The following UVRAG variants were observed in gnomAD, a reference collection of about 807,000 sequenced individuals.
UVRAG encodes the protein UV radiation resistance-associated gene protein.
UVRAG carries 19 observed loss-of-function variants against 78.0 expected under a neutral mutation model. The ratio of observed to expected loss-of-function variants is 0.24; its 90% confidence interval spans 0.17 to 0.36. The LOEUF is 0.36. Among genes scored for constraint, UVRAG ranks in the 10% least tolerant of loss-of-function variants. The pLI is 1.00. For synonymous variants in UVRAG, 323 were observed against 324.6 expected (o/e 1.00, Z 0.05); for missense variants, 740 against 853.8 (o/e 0.87, Z 1.66).
At chr11:75,941,854 C>T (rs1174154452) in intron 6 of UVRAG, among the ~76,000 whole-genome samples, 1 of 152,048 alleles carries the variant, frequency 6.6e-6, no homozygotes, top group South Asian at 2.1e-4. Context: ...CATTGGCTCT[C>T]TTATGATCAT....
intron 3 of UVRAG, among the ~76,000 whole-genome samples, chr11:75,872,978 C>T (rs752583167): frequency 6.6e-6 from 1 of 152,126 alleles, no homozygotes; most frequent in South Asian, 2.1e-4. Flanking sequence ...GAGGAGCTCA[C>T]GTTCTGGAGG....
chr11:75,824,939 C>T (rs1444129109), intron 1 of UVRAG, among the ~76,000 whole-genome samples: 1 of 152,156 alleles, frequency 6.6e-6, no homozygotes, highest in African/African-American at 2.4e-5. Flanking sequence ...TCCCAATGTG[C>T]TGGGATTACA....
intron 6 of UVRAG, among the ~76,000 whole-genome samples, chr11:75,937,567 T>C (rs1948397288): frequency 6.6e-6 from 1 of 152,194 alleles, no homozygotes; most frequent in African/African-American, 2.4e-5. Context: ...TCTTTAAAGA[T>C]GTTGCTCCAC....
intron 12 of UVRAG, among the ~76,000 whole-genome samples, chr11:76,042,538 G>C (rs1227836693): frequency 6.6e-6 from 1 of 152,100 alleles, no homozygotes; most frequent in Non-Finnish European, 1.5e-5. Context: ...GTGCCAGGGA[G>C]TGAACTACAA....
At chr11:76,021,229 T>C (rs1950241182) in intron 12 of UVRAG, among the ~76,000 whole-genome samples, 1 of 152,182 alleles carries the variant, frequency 6.6e-6, no homozygotes, top group Admixed American at 6.5e-5. Context: ...CTTTTTTGTG[T>C]GTGTAGATGG....
intron 5 of UVRAG, among the ~76,000 whole-genome samples, chr11:75,909,119 A>G (rs1296491744): frequency 6.6e-6 from 1 of 151,890 alleles, no homozygotes; most frequent in Non-Finnish European, 1.5e-5. Context: ...AGGCCAAGGT[A>G]GGAGGATAGC....
At chr11:75,838,164 ATTC>A (rs1172995087) in intron 1 of UVRAG, among the ~76,000 whole-genome samples, 5 of 152,196 alleles carry the variant, frequency 3.3e-5, no homozygotes, top group African/African-American at 9.7e-5. Flanking sequence ...CATGTTATGT[ATTC>A]TTTATGGTCA....
At chr11:75,857,061 T>C (rs917377454) in intron 2 of UVRAG, among the ~76,000 whole-genome samples, 1 of 152,234 alleles carries the variant, frequency 6.6e-6, no homozygotes, top group Non-Finnish European at 1.5e-5. Context: ...ACCTAATCAC[T>C]TCTTGCTATC....
chr11:75,853,160 C>T (rs1315458250), intron 2 of UVRAG, among the ~76,000 whole-genome samples: 3 of 152,124 alleles, frequency 2.0e-5, no homozygotes. Context: ...CTATGCTCCT[C>T]CCCCAGCCTC....
rs1186467694 is a variant in UVRAG, at chr11:76,129,952, TTCTC to T, written c.1398-10749_1398-10746del. On this transcript the variant is annotated intron_variant, in intron 14 of 14. Coordinates refer to ENST00000356136, the MANE Select transcript of UVRAG (RefSeq NM_003369.4). Reference sequence around the variant, plus strand: ...TCTCTCGCTCTCTCTCTCTCTCGCTTTCTCTCTCTCTCTTCTTTGCCTGAAAGTT... The same window carrying T: ...TCTCTCGCTCTCTCTCTCTCTCGCTTTCTCTCTCTTCTTTGCCTGAAAGTT... Among the ~76,000 whole-genome samples the T allele has an allele frequency of 6.6e-5, 10 of 151,148 alleles. No individual in the cohort carries two copies. In the South Asian group the frequency reaches 1.7e-3, roughly 26 times the overall value.
chr11:76,133,437 A>G (rs1374358756), intron 14 of UVRAG, among the ~76,000 whole-genome samples: 1 of 152,154 alleles, frequency 6.6e-6, no homozygotes, highest in African/African-American at 2.4e-5. Context: ...TTTTCTGTAA[A>G]AGGAGGCTAC....
intron 13 of UVRAG, among the ~76,000 whole-genome samples, chr11:76,069,606 T>C (rs1036296776): frequency 6.6e-6 from 1 of 152,218 alleles, no homozygotes; most frequent in Non-Finnish European, 1.5e-5. Flanking sequence ...ACAAAAATTA[T>C]AATACTTTTA....
chr11:75,838,487 A>G (rs1387861127), intron 1 of UVRAG, among the ~76,000 whole-genome samples: 1 of 151,718 alleles, frequency 6.6e-6, no homozygotes, highest in Non-Finnish European at 1.5e-5. Context: ...ACAGGCATGC[A>G]CCACCACACC....
At chr11:75,818,874 T>G (rs1945323900) in intron 1 of UVRAG, among the ~76,000 whole-genome samples, 1 of 152,196 alleles carries the variant, frequency 6.6e-6, no homozygotes, top group African/African-American at 2.4e-5. Context: ...CCCAACCTTC[T>G]TCTAAGATGG....
chr11:76,058,084 A>AG (rs943338675), intron 12 of UVRAG, among the ~76,000 whole-genome samples: 6 of 152,158 alleles, frequency 3.9e-5, no homozygotes, highest in African/African-American at 1.4e-4. Flanking sequence ...CCAGTTATAC[A>AG]GACTGGTATT....
At chr11:76,065,916 A>G in intron 13 of UVRAG, 128 bp downstream of exon 13, 2 of 714,102 alleles carry the variant, frequency 2.8e-6, no homozygotes, top group Non-Finnish European at 4.5e-6. Flanking sequence ...CATTAGTAAT[A>G]CACAGTTCTT....
At chr11:75,996,118 A>T (rs1444265974) in intron 8 of UVRAG, among the ~76,000 whole-genome samples, 1 of 152,096 alleles carries the variant, frequency 6.6e-6, no homozygotes, top group Non-Finnish European at 1.5e-5. Context: ...GCAAACTGTC[A>T]TATTTTAATC....
intron 6 of UVRAG, among the ~76,000 whole-genome samples, chr11:75,941,908 C>T (rs1948492099): frequency 6.6e-6 from 1 of 152,046 alleles, no homozygotes; most frequent in African/African-American, 2.4e-5. Flanking sequence ...CCTCTCTCTG[C>T]ACCCATGTAA....
chr11:75,902,784 A>G (rs1485852338), intron 5 of UVRAG, among the ~76,000 whole-genome samples: 1 of 152,050 alleles, frequency 6.6e-6, no homozygotes, highest in East Asian at 1.9e-4. Flanking sequence ...CATTGACATA[A>G]TCCAAGCTCA....
Sources: gnomAD v4.1 joint callset for allele counts (sites outside exome capture counted in the v4.1 genomes callset) on GRCh38, gnomAD v4.1.1 for gene constraint, MANE v1.5 for transcripts, NCBI Gene and HGNC (gene_info 2026-07-23, HGNC 2026-07-21) for gene names.